OPN3: variants seen among roughly 807,000 people sequenced by gnomAD.
The protein encoded by OPN3 is opsin 3.
OPN3 carries 29 observed loss-of-function variants against 33.8 expected under a neutral mutation model. That is an observed-to-expected ratio of 0.86 (90% CI 0.64 to 1.17). OPN3 has a LOEUF of 1.17. Among genes scored for constraint, OPN3 ranks in the 50% most tolerant of loss-of-function variants. OPN3 has a pLI of 0.00. For synonymous variants in OPN3, 216 were observed against 216.1 expected, an observed-to-expected ratio of 1.00 and a Z score of 0.00; for missense variants, 437 against 514.1, an observed-to-expected ratio of 0.85 and a Z score of 1.45.
At chr1:241,595,186 G>A (rs1316819158) in intron 3 of OPN3, 2 of 152,938 alleles carry the variant, frequency 1.3e-5, no homozygotes, top group Non-Finnish European at 2.9e-5. Context: ...CTAATCAGTT[G>A]GGGAAAAAAA....
At chr1:241,605,313 A>T (rs1663797892) in intron 1 of OPN3, among the ~76,000 whole-genome samples, 1 of 152,042 alleles carries the variant, frequency 6.6e-6, no homozygotes, top group Non-Finnish European at 1.5e-5. Context: ...GCTCAAGCTG[A>T]ATGAAGTAGC....
At chr1:241,603,170 G>A (rs1663723140) in intron 2 of OPN3, among the ~76,000 whole-genome samples, 2 of 152,092 alleles carry the variant, frequency 1.3e-5, no homozygotes, top group South Asian at 4.1e-4. Flanking sequence ...ATACAGAATC[G>A]AGTTGGTCCT....
At position 241,605,072 on chromosome 1, in the gene OPN3, A is replaced by AT. The variant is rs1380175914; in HGVS notation, c.374-494_374-493insA. ...CCTTATCTCAAAAAAAAAAAAAATA[A>AT]AATAAAATAAAATGGAAAATGCCAT... On this transcript the variant is annotated intron_variant, in intron 1 of 3. Transcript: ENST00000366554. Among the ~76,000 whole-genome samples, 186 of 151,102 alleles carry AT rather than the reference A, an allele frequency of 1.2e-3. 2 individuals carry two copies. Among genetic ancestry groups the AT allele is most frequent in the Middle Eastern group, 0.01 (3 of 294 alleles).
chr1:241,620,633 C>T (rs1664249090), intron 1 of OPN3, among the ~76,000 whole-genome samples: 2 of 152,180 alleles, frequency 1.3e-5, no homozygotes, highest in Non-Finnish European at 2.9e-5. Context: ...GTTTACAAGC[C>T]ACCCACTTTA....
rs1160871286 is a variant in OPN3 at position 241,597,990 on chromosome 1, CA to C, written c.700del (p.Cys234ValfsTer10). On this transcript the variant is annotated frameshift_variant, in exon 3 of 4. Transcript: ENST00000366554. LOFTEE classifies it high-confidence loss of function. ...HILYSIRMLR[C>X]VEDLQTIQVI... Reference sequence around the variant, plus strand: ...TTGAATTGTCTGAAGATCTTCCACACAACGAAGCTGCAGAAAGGAGAAAGAA... The same window carrying C: ...TTGAATTGTCTGAAGATCTTCCACACACGAAGCTGCAGAAAGGAGAAAGAA... 6 of 1,612,934 alleles carry C rather than the reference CA, an allele frequency of 3.7e-6. No individual in the cohort carries two copies. Among genetic ancestry groups the C allele is most frequent in the Non-Finnish European group, 5.1e-6 (6 of 1,179,678 alleles).
intron 1 of OPN3, among the ~76,000 whole-genome samples, chr1:241,638,126 G>C (rs957606479): frequency 1.3e-5 from 2 of 152,112 alleles, no homozygotes; most frequent in African/African-American, 4.8e-5. Flanking sequence ...CTTATCTCAG[G>C]GTTTCCACCT....
intron 1 of OPN3, among the ~76,000 whole-genome samples, chr1:241,624,555 G>A (rs1040547984): frequency 8.5e-5 from 13 of 152,182 alleles, no homozygotes; most frequent in African/African-American, 3.1e-4. Flanking sequence ...GGTTAATTGT[G>A]CATCAATGTC....
At chr1:241,637,808 G>A (rs1207129540) in intron 1 of OPN3, among the ~76,000 whole-genome samples, 1 of 152,172 alleles carries the variant, frequency 6.6e-6, no homozygotes, top group Admixed American at 6.5e-5. Context: ...ATAAGGAACA[G>A]GATCCACTCT....
At chr1:241,598,019 GA>G in intron 2 of OPN3, 22 bp from the exon 3 acceptor site, 3 of 1,605,768 alleles carry the variant, frequency 1.9e-6, no homozygotes, top group Non-Finnish European at 2.5e-6. Context: ...AGAAAGAAAG[GA>G]AAGGGCTTAA....
intron 1 of OPN3, chr1:241,634,860 ATG>A (rs1421499238): frequency 1.2e-6 from 2 of 1,609,792 alleles, no homozygotes; most frequent in Non-Finnish European, 1.7e-6. Flanking sequence ...TCTAAACAAA[ATG>A]TGAGAAATTT....
In OPN3 at chr1:241,633,376, C is replaced by T. The variant is rs748232210; in HGVS notation, c.373+6506G>A. 3.9e-4 allele frequency: 64 copies of T among 165,784 alleles called. 1 individual carries two copies. The highest frequency in any genetic ancestry group is 1.2e-3 in the South Asian group (8 of 6,540). 10.3% of individuals were successfully genotyped at this position (165,784 alleles called of 1,614,324 possible). A position where few individuals can be genotyped will look rare whatever the true frequency, so the allele number is the denominator to read the frequency against. On this transcript the variant is annotated intron_variant, in intron 1 of 3. Transcript: ENST00000366554. Reference sequence around the variant, plus strand: ...TACCATTTGTGTATGTTTCACTATTCGAACAGGCCGCAGCAACTGTAACAG... The same window carrying T: ...TACCATTTGTGTATGTTTCACTATTTGAACAGGCCGCAGCAACTGTAACAG...
chr1:241,634,085 C>G, intron 1 of OPN3: 1 of 1,611,332 alleles, frequency 6.2e-7, no homozygotes, highest in East Asian at 2.2e-5. Flanking sequence ...TCTGCTGATT[C>G]CCGAGGAATC....
At position 241,626,723 on chromosome 1, in the gene OPN3, G is replaced by A. The variant is rs572163165; in HGVS notation, c.373+13159C>T. 2.0e-5 allele frequency among the ~76,000 whole-genome samples: 3 copies of A among 152,224 alleles called. No homozygotes were observed. The South Asian group carries it at 6.2e-4, about 32-fold the overall frequency. The stretch of plus-strand genomic sequence containing the variant: ...TATAGTAAAATTAACTTATAGTAAT[G>A]ATAAAAAATAAAGTTTCCCCATACT... On this transcript the variant is annotated intron_variant, in intron 1 of 3. Coordinates refer to ENST00000366554, the MANE Select transcript of OPN3 (RefSeq NM_014322.3).
chr1:241,628,153 G>A (rs1049748666), intron 1 of OPN3, among the ~76,000 whole-genome samples: 9 of 152,178 alleles, frequency 5.9e-5, no homozygotes, highest in Admixed American at 1.3e-4. Context: ...AAGGGATGCC[G>A]TGCACAAGGC....
At chr1:241,639,171 G>A (rs1377868230) in intron 1 of OPN3, 1 of 152,172 alleles carries the variant, frequency 6.6e-6, no homozygotes, top group Non-Finnish European at 1.5e-5. Flanking sequence ...GCTAATTACA[G>A]TATTTGTTCA....
In OPN3 at chr1:241,604,371, G is replaced by A. The variant is rs1025320293; in HGVS notation, c.582C>T (p.Ser194=). The change falls in exon 2 of 4, where the codon TCC becomes TCT. Residue 194 remains serine, a synonymous_variant. Transcript: ENST00000366554. ...HGLGCTVDWK[S]KDANDSSFVL... ...CAAAGGAGGAATCGTTGGCATCCTT[G>A]GATTTCCAGTCCACAGTGCAGCCTA... The A allele has an allele frequency of 2.5e-6, 4 of 1,614,010 alleles. No homozygotes were observed. The highest frequency in any genetic ancestry group is 1.3e-5 in the African/African-American group (1 of 74,908).
intron 1 of OPN3, among the ~76,000 whole-genome samples, chr1:241,606,333 C>G (rs1663828487): frequency 6.6e-6 from 1 of 152,054 alleles, no homozygotes; most frequent in South Asian, 2.1e-4. Flanking sequence ...CACCTGAGGT[C>G]AGGGGTTTAA....
chr1:241,620,150 TAATC>T (rs1007192226), intron 1 of OPN3, among the ~76,000 whole-genome samples: 7 of 152,088 alleles, frequency 4.6e-5, no homozygotes, highest in Non-Finnish European at 8.8e-5. Context: ...AAGTTGAAAA[TAATC>T]AATCTGAAAA....
rs114829277 is a variant in OPN3, at chr1:241,607,219, G to A, written c.374-2640C>T. Reference sequence around the variant, plus strand: ...ATCAAGTGGAAGAAAATACTTCAGAGAATAATGGTATAAGGCTGGGCGTGG... The same window carrying A: ...ATCAAGTGGAAGAAAATACTTCAGAAAATAATGGTATAAGGCTGGGCGTGG... On this transcript the variant is annotated intron_variant, in intron 1 of 3. Coordinates refer to ENST00000366554, the MANE Select transcript of OPN3 (RefSeq NM_014322.3). Among the ~76,000 whole-genome samples the A allele has an allele frequency of 5.8e-3, 887 of 152,170 alleles. 8 individuals are homozygous for A. The highest frequency in any genetic ancestry group is 0.02 in the African/African-American group (848 of 41,530).
Sources: gnomAD v4.1 joint callset for allele counts (sites outside exome capture counted in the v4.1 genomes callset) on GRCh38, gnomAD v4.1.1 for gene constraint, MANE v1.5 for transcripts, NCBI Gene and HGNC (gene_info 2026-07-23, HGNC 2026-07-21) for gene names.